FBXO47: variants seen among roughly 807,000 people sequenced by gnomAD.
FBXO47 encodes the protein F-box protein 47.
In FBXO47, 34 loss-of-function variants were observed where a neutral mutation model predicts 53.9. The observed-to-expected ratio is 0.63, with a 90% CI of 0.48 to 0.84. The LOEUF (loss-of-function observed/expected upper bound fraction) is 0.84, where lower values mean the gene tolerates loss of function less well. Among genes scored for constraint, FBXO47 ranks in the 40% least tolerant of loss-of-function variants. The pLI, the probability that FBXO47 is intolerant of heterozygous loss-of-function variation, is 0.00. For synonymous variants in FBXO47, 165 were observed against 181.6 expected, an observed-to-expected ratio of 0.91 and a Z score of 0.73; for missense variants, 485 against 541.3, an observed-to-expected ratio of 0.90 and a Z score of 1.03.
In FBXO47 at chr17:38,937,280, A is replaced by G; in HGVS notation, c.1254T>C (p.Asp418=). Residue 418 remains aspartate (D), a synonymous_variant, in exon 11 of 11, where the codon GAT becomes GAC. Coordinates refer to ENST00000378079, the MANE Select transcript of FBXO47 (RefSeq NM_001008777.3). ...MLQSIMSGDR[D]EDDRSFLNLF... ...AATTCAAAAAGCTTCTGTCATCTTCATCACGGTCTCCTATATGCCATACAT... is the reference window on the plus strand; with the variant it reads ...AATTCAAAAAGCTTCTGTCATCTTCGTCACGGTCTCCTATATGCCATACAT... 6.4e-7 allele frequency: 1 copy of G among 1,572,962 alleles called. No individual in the cohort carries two copies. The highest frequency in any genetic ancestry group is 8.7e-7 in the Non-Finnish European group (1 of 1,143,678).
intron 5 of FBXO47, among the ~76,000 whole-genome samples, chr17:38,953,152 CACACACACACACACAA>C (rs887617314): frequency 2.7e-5 from 4 of 148,926 alleles, no homozygotes; most frequent in African/African-American, 1.0e-4. Context: ...CACACACACA[CACACACACACACACAA>C]AATAGCTAGG....
At chr17:38,944,848 A>ATATGTGTGTGTGTGTGTGTGTGTGTG (rs1555560426) in intron 7 of FBXO47, 112 bp downstream of exon 7, 7 of 616,814 alleles carry the variant, frequency 1.1e-5, no homozygotes, top group South Asian at 4.4e-5. Flanking sequence ...GCGTGCATGC[A>ATATGTGTGTGTGTGTGTGTGTGTGTG]TGTGTGTGTG....
At chr17:38,940,741 C>G (rs570007833) in intron 9 of FBXO47, among the ~76,000 whole-genome samples, 2 of 151,882 alleles carry the variant, frequency 1.3e-5, no homozygotes, top group South Asian at 4.2e-4. Context: ...AGTGGCGTGA[C>G]CATAGCTCAC....
chr17:38,938,570 C>T lies in FBXO47; in HGVS notation c.1243+3G>A. On this transcript the variant is annotated splice_donor_region_variant and intron_variant, in intron 10 of 10. Transcript: ENST00000378079. ...CCTGTGCACCAAGTACATTCCTACT[C>T]ACCAGACATAATTGATTGCAGCATT... 3.1e-6 allele frequency: 5 copies of T among 1,608,594 alleles called. No homozygotes were observed. The highest frequency in any genetic ancestry group is 1.1e-5 in the South Asian group (1 of 90,832).
At chr17:38,948,148 C>A (rs1362277212) in intron 6 of FBXO47, among the ~76,000 whole-genome samples, 1 of 151,766 alleles carries the variant, frequency 6.6e-6, no homozygotes, top group East Asian at 1.9e-4. Context: ...TCCTTTACCA[C>A]CCCTAGCCCT....
intron 6 of FBXO47, among the ~76,000 whole-genome samples, chr17:38,946,049 A>AATATATAAATACATAAATATATATTT (rs1162982370): frequency 0.04 from 4,723 of 118,876 alleles, 435 homozygotes; most frequent in African/African-American, 0.078. Flanking sequence ...ATATATATAA[A>AATATATAAATACATAAATATATATTT]ATATATAAAT....
Position 38,938,587 on chromosome 17 carries a change from T to G in FBXO47, c.1229A>C (p.Gln410Pro). The G allele has an allele frequency of 6.2e-7, 1 of 1,611,618 alleles. No individual in the cohort carries two copies. The highest frequency in any genetic ancestry group is 8.5e-7 in the Non-Finnish European group (1 of 1,178,376). The change falls in exon 10 of 11, where the codon CAA becomes CCA. Residue 410 changes from glutamine (Q) to proline (P), a missense_variant. Transcript: ENST00000378079. ...AFACVIMEML[Q>P]SIMSGDRDED... Reference sequence around the variant, plus strand: ...TTCCTACTCACCAGACATAATTGATTGCAGCATTTCCATTATAACACATGC... The same window carrying G: ...TTCCTACTCACCAGACATAATTGATGGCAGCATTTCCATTATAACACATGC...
At chr17:38,942,422 G>A (rs1378334649) in intron 9 of FBXO47, among the ~76,000 whole-genome samples, 7 of 151,930 alleles carry the variant, frequency 4.6e-5, no homozygotes, top group Non-Finnish European at 2.9e-5. Flanking sequence ...GTGAAACCCC[G>A]TCTCTACTAA....
chr17:38,961,926 C>T lies in FBXO47; in HGVS notation c.303G>A (p.Leu101=), dbSNP rs1427555436. 12 of 1,613,916 alleles carry T rather than the reference C, an allele frequency of 7.4e-6. No individual in the cohort carries two copies. The highest frequency in any genetic ancestry group is 1.3e-5 in the African/African-American group (1 of 74,920). Residue 101 remains leucine (L), a synonymous_variant, in exon 3 of 11, where the codon CTG becomes CTA. Coordinates refer to ENST00000378079, the MANE Select transcript of FBXO47 (RefSeq NM_001008777.3). The part of the protein sequence containing the change: ...LLLQDFHNLE[L]PDRRQDSAIL... ...TAGCAGAGTCTTGTCTCCTGTCAGG[C>T]AGCTCAAGGTTATGAAAGTCCTGTA...
intron 3 of FBXO47, among the ~76,000 whole-genome samples, chr17:38,961,672 T>C (rs1331465077): frequency 6.6e-6 from 1 of 152,182 alleles, no homozygotes; most frequent in Non-Finnish European, 1.5e-5. Context: ...TCTCAAGAAT[T>C]GACACTTTAC....
chr17:38,946,941 T>C (rs1471155583), intron 6 of FBXO47, among the ~76,000 whole-genome samples: 2 of 117,480 alleles, frequency 1.7e-5, no homozygotes, highest in Non-Finnish European at 3.2e-5. Context: ...TAAATATATA[T>C]AAACATATAT....
At chr17:38,960,784 A>C (rs1373701671) in intron 3 of FBXO47, among the ~76,000 whole-genome samples, 1 of 151,996 alleles carries the variant, frequency 6.6e-6, no homozygotes, top group Non-Finnish European at 1.5e-5. Flanking sequence ...GGCATGTGCC[A>C]CCATGCCCGG....
chr17:38,945,863 G>A (rs989836638), intron 6 of FBXO47, among the ~76,000 whole-genome samples: 3 of 148,162 alleles, frequency 2.0e-5, no homozygotes, highest in Non-Finnish European at 4.4e-5. Context: ...GTTAACCCGG[G>A]AGGTGGAGCT....
chr17:38,946,332 A>AG (rs1567716557), intron 6 of FBXO47, among the ~76,000 whole-genome samples: 44 of 93,334 alleles, frequency 4.7e-4, no homozygotes, highest in African/African-American at 2.0e-3. Flanking sequence ...ATAAATATAT[A>AG]AATATATATA....
chr17:38,952,163 A>G (rs1321830640), intron 5 of FBXO47, among the ~76,000 whole-genome samples: 3 of 151,960 alleles, frequency 2.0e-5, no homozygotes, highest in African/African-American at 7.3e-5. Context: ...CATCCCTACT[A>G]AAAATACAAA....
Position 38,939,293 on chromosome 17 carries a change from C to CAAA in FBXO47, c.1084-564_1084-562dup, listed in dbSNP as rs1218321299. 4.8e-3 allele frequency among the ~76,000 whole-genome samples: 166 copies of CAAA among 34,852 alleles called. 9 individuals are homozygous for CAAA. The highest frequency in any genetic ancestry group is 0.011 in the East Asian group (7 of 618). The allele number at this position is 34,852 out of a possible 152,430, so 22.9% of individuals were successfully genotyped here. On this transcript the variant is annotated intron_variant, in intron 9 of 10. Coordinates refer to ENST00000378079, the MANE Select transcript of FBXO47 (RefSeq NM_001008777.3). ...GGGGGACAGAGCCAGACTCCATCTC[C>CAAA]AAAAAAAAAAAAAAAAAAAAAAAAA...
At chr17:38,961,440 T>C (rs540387107) in intron 3 of FBXO47, among the ~76,000 whole-genome samples, 18 of 152,214 alleles carry the variant, frequency 1.2e-4, no homozygotes, top group Non-Finnish European at 2.5e-4. Context: ...ACTTAGTAAA[T>C]GTACTTAAAA....
chr17:38,947,121 C>CAT (rs989805395), intron 6 of FBXO47, among the ~76,000 whole-genome samples: 15 of 116,598 alleles, frequency 1.3e-4, no homozygotes, highest in Admixed American at 1.7e-4. Context: ...TATATATAAA[C>CAT]ATATATATAA....
In FBXO47 at chr17:38,957,225, C is replaced by A; in HGVS notation, c.381G>T (p.Leu127=). ...LGLLFKRCTL[L]LPTKERLKYI... ...ATTTTAGCCTTTCCTTGGTGGGTAGCAGCAATGTGCATCTTTTAAACAGTA... is the reference window on the plus strand; with the variant it reads ...ATTTTAGCCTTTCCTTGGTGGGTAGAAGCAATGTGCATCTTTTAAACAGTA... Residue 127 remains leucine, a synonymous_variant, in exon 4 of 11, where the codon CTG becomes CTT. Coordinates refer to ENST00000378079, the MANE Select transcript of FBXO47 (RefSeq NM_001008777.3). 1.9e-6 allele frequency: 3 copies of A among 1,611,458 alleles called. No individual in the cohort carries two copies. The highest frequency in any genetic ancestry group is 2.5e-6 in the Non-Finnish European group (3 of 1,178,140).
Sources: gnomAD v4.1 joint callset for allele counts (sites outside exome capture counted in the v4.1 genomes callset) on GRCh38, gnomAD v4.1.1 for gene constraint, MANE v1.5 for transcripts, NCBI Gene and HGNC (gene_info 2026-07-23, HGNC 2026-07-21) for gene names.